Variants in SH3PXD2A observed in about 807,000 individuals in gnomAD.
SH3PXD2A encodes SH3 and PX domains 2A.
A neutral mutation model predicts 115.2 loss-of-function variants in SH3PXD2A; 32 were observed. The observed-to-expected ratio is 0.28, with a 90% confidence interval of 0.21 to 0.37. The LOEUF (loss-of-function observed/expected upper bound fraction) is 0.37, where lower values mean the gene tolerates loss of function less well. Ranked by LOEUF, SH3PXD2A falls within the 10% of genes least tolerant of loss-of-function variation. The probability of loss-of-function intolerance (pLI) is 1.00; values close to 1 mark genes in which losing one functional copy is unlikely to be tolerated. For missense variants in SH3PXD2A, 1,328 were observed against 1,498.7 expected (o/e 0.89, Z 1.88); for synonymous variants, 610 against 629.1 (o/e 0.97, Z 0.45).
chr10:103,708,903 C>G (rs146351808), intron 5 of SH3PXD2A, among the ~76,000 whole-genome samples: 1 of 152,168 alleles, frequency 6.6e-6, no homozygotes, highest in African/African-American at 2.4e-5. Context: ...TGAGGCAACA[C>G]TGCAGTTCTC....
intron 6 of SH3PXD2A, among the ~76,000 whole-genome samples, chr10:103,691,179 T>G (rs188210187): frequency 1.0e-3 from 159 of 152,246 alleles, no homozygotes; most frequent in African/African-American, 3.5e-3. Context: ...GGGAGAAAAG[T>G]GGCAATGGAG....
chr10:103,599,765 C>A lies in SH3PXD2A; in HGVS notation c.*2051G>T, dbSNP rs2036189271. The A allele has an allele frequency of 6.6e-6, 1 of 152,622 alleles. No individual in the cohort carries two copies. Among genetic ancestry groups the A allele is most frequent in the Non-Finnish European group, 1.5e-5 (1 of 68,048 alleles). The allele number at this position is 152,622 out of a possible 1,614,324, so 9.5% of individuals were successfully genotyped here. ...AGACACTAAACCACTACCATTAGTA[C>A]TGCAATCTAGCAGATTAACTCAACA... On this transcript the variant is annotated 3_prime_UTR_variant, in exon 15 of 15. Coordinates refer to ENST00000369774, the MANE Select transcript of SH3PXD2A (RefSeq NM_001394015.1).
chr10:103,852,485 T>C (rs533527415), intron 1 of SH3PXD2A, among the ~76,000 whole-genome samples: 1 of 152,342 alleles, frequency 6.6e-6, no homozygotes, highest in Admixed American at 6.5e-5. Context: ...CTCTGCAATT[T>C]ACCAAACCAC....
At chr10:103,668,767 C>G in intron 6 of SH3PXD2A, 115 bp from the exon 7 acceptor site, 1 of 931,190 alleles carries the variant, frequency 1.1e-6, no homozygotes, top group East Asian at 2.6e-5. Context: ...CGGCCAGCCG[C>G]GGGCGGAAGG....
At chr10:103,625,742 T>G (rs1368539356) in intron 9 of SH3PXD2A, among the ~76,000 whole-genome samples, 4 of 152,092 alleles carry the variant, frequency 2.6e-5, no homozygotes, top group Non-Finnish European at 5.9e-5. Context: ...AAACAAAAAT[T>G]AGCCAGGCGT....
At chr10:103,850,128 C>G (rs1052967577) in intron 1 of SH3PXD2A, among the ~76,000 whole-genome samples, 2 of 152,202 alleles carry the variant, frequency 1.3e-5, no homozygotes, top group African/African-American at 4.8e-5. Flanking sequence ...TTAACTCATG[C>G]TGGCCCCGGA....
At chr10:103,688,842 C>T (rs1021864833) in intron 6 of SH3PXD2A, among the ~76,000 whole-genome samples, 22 of 151,922 alleles carry the variant, frequency 1.4e-4, no homozygotes, top group Non-Finnish European at 2.9e-4. Flanking sequence ...TCTTTCTTTC[C>T]CTTCTTCCCT....
At position 103,654,712 on chromosome 10, in the gene SH3PXD2A, T is replaced by C. The variant is rs554587694; in HGVS notation, c.604+6271A>G. ...GATTACAGGCATAAGCCACCATTCC[T>C]GGCCCTGAATTCCTTTAGAATTAGC... On this transcript the variant is annotated intron_variant, in intron 8 of 14. Coordinates refer to ENST00000369774, the MANE Select transcript of SH3PXD2A (RefSeq NM_001394015.1). 3.9e-5 allele frequency among the ~76,000 whole-genome samples: 6 copies of C among 152,330 alleles called. No homozygotes were observed. In the South Asian group the frequency reaches 1.0e-3, roughly 26 times the overall value.
chr10:103,784,636 G>C lies in SH3PXD2A; in HGVS notation c.153+16646C>G, dbSNP rs2038963708. On this transcript the variant is annotated intron_variant, in intron 2 of 14. Transcript: ENST00000369774. This position sits in a 1 kb window ranked among gnomAD's most constrained non-coding sequence, Gnocchi z 4.4. The stretch of plus-strand genomic sequence containing the variant: ...GCAGCACAGAGAAGCACTGGCAGCG[G>C]CTGGCTGGAGGGCAGGACAGTCCCA... Among the ~76,000 whole-genome samples, 3 of 152,294 alleles carry C rather than the reference G, an allele frequency of 2.0e-5. No homozygotes were observed. The highest frequency in any genetic ancestry group is 6.8e-3 in the Middle Eastern group (2 of 294).
At chr10:103,764,610 C>T (rs2038734895) in intron 3 of SH3PXD2A, among the ~76,000 whole-genome samples, 1 of 152,118 alleles carries the variant, frequency 6.6e-6, no homozygotes, top group South Asian at 2.1e-4. Flanking sequence ...TTAACAGCTG[C>T]CATTTATTAT....
rs2036204977 is a variant in SH3PXD2A, at chr10:103,600,866, C to A, written c.*950G>T. 1 of 152,190 alleles carries A rather than the reference C, an allele frequency of 6.6e-6. No homozygotes were observed. The highest frequency in any genetic ancestry group is 6.5e-5 in the Admixed American group (1 of 15,288). The allele number at this position is 152,190 out of a possible 1,614,324, so 9.4% of individuals were successfully genotyped here. The stretch of plus-strand genomic sequence containing the variant: ...AGCAAAATCACCCGCCCACAAGATA[C>A]AACAGAAACCCCATCCACTACCCAT... On this transcript the variant is annotated 3_prime_UTR_variant, in exon 15 of 15. Coordinates refer to ENST00000369774, the MANE Select transcript of SH3PXD2A (RefSeq NM_001394015.1).
chr10:103,772,816 C>G (rs1240799694), intron 2 of SH3PXD2A, among the ~76,000 whole-genome samples: 1 of 152,228 alleles, frequency 6.6e-6, no homozygotes, highest in Non-Finnish European at 1.5e-5. Flanking sequence ...CTCAAGCTTT[C>G]AGGCCCCAAT....
Position 103,782,827 on chromosome 10 carries a change from CAAAAAAAAAA to C in SH3PXD2A, c.154-15668_154-15659del, listed in dbSNP as rs1177829829. ...GCAACACTGGGAGACTCCATCTCTCCAAAAAAAAAAAAAAAAAAAAAAGATAATAACAGGT... is the reference window on the plus strand; with the variant it reads ...GCAACACTGGGAGACTCCATCTCTCCAAAAAAAAAAAAGATAATAACAGGT... On this transcript the variant is annotated intron_variant, in intron 2 of 14. Coordinates refer to ENST00000369774, the MANE Select transcript of SH3PXD2A (RefSeq NM_001394015.1). Among the ~76,000 whole-genome samples, 6 of 45,392 alleles carry C rather than the reference CAAAAAAAAAA, an allele frequency of 1.3e-4. No homozygotes were observed. In the East Asian group the frequency reaches 2.4e-3, roughly 18 times the overall value. 29.8% of individuals were successfully genotyped at this position (45,392 alleles called of 152,430 possible). A position where few individuals can be genotyped will look rare whatever the true frequency, so the allele number is the denominator to read the frequency against.
intron 2 of SH3PXD2A, among the ~76,000 whole-genome samples, chr10:103,797,640 C>G (rs1313084665): frequency 6.8e-6 from 1 of 147,118 alleles, no homozygotes; most frequent in Admixed American, 7.1e-5. Context: ...GCTTCACATG[C>G]AGGGCAGTTA....
intron 5 of SH3PXD2A, among the ~76,000 whole-genome samples, chr10:103,701,628 C>A (rs576630106): frequency 6.6e-4 from 98 of 148,450 alleles, no homozygotes; most frequent in African/African-American, 2.3e-3. Flanking sequence ...TCCATCCATC[C>A]ACCATCCATC....
chr10:103,645,948 C>A (rs1164196756), intron 8 of SH3PXD2A, among the ~76,000 whole-genome samples: 4 of 152,240 alleles, frequency 2.6e-5, no homozygotes, highest in African/African-American at 9.6e-5. Flanking sequence ...CTGTGGATGA[C>A]CTGAACCGTC....
At chr10:103,668,498 A>C in intron 7 of SH3PXD2A, 110 bp downstream of exon 7, 1 of 954,750 alleles carries the variant, frequency 1.0e-6, no homozygotes, top group Admixed American at 2.1e-5. Context: ...GCTGGCAAAC[A>C]GCTGCTGCAC....
At chr10:103,707,999 C>A (rs1201673608) in intron 5 of SH3PXD2A, among the ~76,000 whole-genome samples, 3 of 152,166 alleles carry the variant, frequency 2.0e-5, no homozygotes, top group Admixed American at 1.3e-4. Context: ...GGCAGCCTTC[C>A]CTGCACACCC....
intron 5 of SH3PXD2A, among the ~76,000 whole-genome samples, chr10:103,718,150 C>T (rs745809239): frequency 2.6e-5 from 4 of 152,026 alleles, no homozygotes; most frequent in African/African-American, 4.8e-5. Context: ...GGACCACAGG[C>T]GTGTGCCACC....
Sources: gnomAD v4.1 joint callset for allele counts (sites outside exome capture counted in the v4.1 genomes callset) on GRCh38, gnomAD v4.1.1 for gene constraint, Gnocchi (gnomAD v3.1) non-coding constraint, MANE v1.5 for transcripts, NCBI Gene and HGNC (gene_info 2026-07-23, HGNC 2026-07-21) for gene names.